EML6: variants seen among roughly 807,000 people sequenced by gnomAD.
The protein encoded by EML6 is echinoderm microtubule-associated protein-like 6.
Under a neutral mutation model 240.1 loss-of-function variants are expected in EML6, and 154 were observed. The observed-to-expected ratio is 0.64, with a 90% confidence interval of 0.56 to 0.73. EML6 has a LOEUF of 0.73. Ranked by LOEUF, EML6 falls within the 30% of genes least tolerant of loss-of-function variation. EML6 has a pLI of 0.00. For missense variants in EML6, 2,964 were observed against 2,474.6 expected (o/e 1.20, Z -4.20); for synonymous variants, 1,148 against 899.0 (o/e 1.28, Z -4.95).
chr2:54,799,584 T>C (rs1205519635), intron 2 of EML6, among the ~76,000 whole-genome samples: 3 of 152,026 alleles, frequency 2.0e-5, no homozygotes, highest in African/African-American at 2.4e-5. Context: ...ACCTCGTGAT[T>C]CACCCGCCTT....
Position 54,855,023 on chromosome 2 carries a change from C to T in EML6, c.1657+1168C>T, listed in dbSNP as rs1558617073. On this transcript the variant is annotated intron_variant, in intron 11 of 41. Transcript: ENST00000356458. ...AACATAACTCGATGATAATTGATATCCTATACATCCCAAGTCTTTTAAGGT... is the reference window on the plus strand; with the variant it reads ...AACATAACTCGATGATAATTGATATTCTATACATCCCAAGTCTTTTAAGGT... Among the ~76,000 whole-genome samples the T allele has an allele frequency of 3.9e-5, 6 of 152,200 alleles. No homozygotes were observed. The South Asian group carries it at 1.2e-3, about 32-fold the overall frequency.
At chr2:54,959,478 T>G (rs972974333) in intron 34 of EML6, among the ~76,000 whole-genome samples, 1 of 152,166 alleles carries the variant, frequency 6.6e-6, no homozygotes, top group Non-Finnish European at 1.5e-5. Context: ...TTTAAAAACC[T>G]GAGAGAGGCA....
At chr2:54,825,444 G>A (rs1172088291) in intron 5 of EML6, among the ~76,000 whole-genome samples, 2 of 152,016 alleles carry the variant, frequency 1.3e-5, no homozygotes, top group Admixed American at 6.6e-5. Context: ...AATTATTTTT[G>A]TAGAGATGGG....
intron 16 of EML6, among the ~76,000 whole-genome samples, chr2:54,872,191 T>G (rs1374077581): frequency 6.6e-6 from 1 of 152,186 alleles, no homozygotes; most frequent in African/African-American, 2.4e-5. Context: ...GAAAGTTAAG[T>G]TCCTTTAGAG....
intron 2 of EML6, among the ~76,000 whole-genome samples, chr2:54,740,645 T>C (rs930269318): frequency 6.6e-5 from 10 of 152,216 alleles, no homozygotes; most frequent in Non-Finnish European, 1.5e-5. Context: ...TAGTGAGTTT[T>C]ATGCTGCAGT....
In EML6 at chr2:54,725,385, A is replaced by G. The variant is rs1682866557; in HGVS notation, c.197+127A>G. 1.5e-6 allele frequency: 1 copy of G among 657,692 alleles called. No individual in the cohort carries two copies. Among genetic ancestry groups the G allele is most frequent in the Non-Finnish European group, 2.3e-6 (1 of 425,648 alleles). 40.7% of individuals were successfully genotyped at this position (657,692 alleles called of 1,614,324 possible). ...AGGATTCTCTCTGGAGCCGCATGGA[A>G]TTACTGAAGGGCTGCTGATTCTAGG... On this transcript the variant is annotated intron_variant, in intron 2 of 41. Transcript: ENST00000356458. This position sits in a 1 kb window ranked among gnomAD's most constrained non-coding sequence, Gnocchi z 4.3.
At chr2:54,921,901 C>G (rs1026525077) in intron 26 of EML6, among the ~76,000 whole-genome samples, 4 of 152,088 alleles carry the variant, frequency 2.6e-5, no homozygotes, top group African/African-American at 9.7e-5. Flanking sequence ...TGGACTTTAT[C>G]TCACACCATT....
At chr2:54,838,995 C>A (rs1319747632) in intron 7 of EML6, among the ~76,000 whole-genome samples, 1 of 152,224 alleles carries the variant, frequency 6.6e-6, no homozygotes, top group Non-Finnish European at 1.5e-5. Flanking sequence ...GCTTATATTT[C>A]TCTGACTCCC....
intron 4 of EML6, among the ~76,000 whole-genome samples, chr2:54,819,434 C>G (rs1212214743): frequency 1.3e-5 from 2 of 152,212 alleles, no homozygotes; most frequent in African/African-American, 2.4e-5. Flanking sequence ...CTTCTTGTCT[C>G]TGGATTGGAA....
intron 26 of EML6, among the ~76,000 whole-genome samples, chr2:54,926,780 C>G (rs765469585): frequency 3.9e-5 from 6 of 152,294 alleles, no homozygotes; most frequent in African/African-American, 9.6e-5. Context: ...TTTTTCCTCT[C>G]TCTTTCTTCC....
chr2:54,871,886 C>T (rs1006464767), intron 16 of EML6, among the ~76,000 whole-genome samples: 11 of 152,252 alleles, frequency 7.2e-5, no homozygotes, highest in African/African-American at 2.7e-4. Context: ...CCAGAGCTCA[C>T]ACTGTGTTCT....
chr2:54,820,358 A>G (rs1668275095), intron 4 of EML6, 36 bp from the exon 5 acceptor site: 3 of 1,453,194 alleles, frequency 2.1e-6, no homozygotes, highest in Non-Finnish European at 2.8e-6. Context: ...AAATATACCA[A>G]ATGATCAACA....
Position 54,869,214 on chromosome 2 carries a change from C to G in EML6, c.2085C>G (p.Phe695Leu). Reference sequence around the variant, plus strand: ...GCTACGACTGTAGAAACAATCTGTTCTACACACAAGCTGGAGAAGTAGTCT... The same window carrying G: ...GCTACGACTGTAGAAACAATCTGTTGTACACACAAGCTGGAGAAGTAGTCT... ...YRGYDCRNNL[F>L]YTQAGEVVYH... The change falls in exon 15 of 42, where the codon TTC becomes TTG. Residue 695 changes from phenylalanine (F) to leucine (L), a missense_variant. Physicochemically the swap from Phe to Leu is conservative, Grantham distance 22. Coordinates refer to ENST00000356458, the MANE Select transcript of EML6 (RefSeq NM_001039753.4). The G allele has an allele frequency of 5.8e-6, 9 of 1,551,726 alleles. No homozygotes were observed. The highest frequency in any genetic ancestry group is 1.7e-4 in the Middle Eastern group (1 of 5,906).
chr2:54,931,718 A>G (rs1171969956), intron 28 of EML6, among the ~76,000 whole-genome samples: 1 of 152,138 alleles, frequency 6.6e-6, no homozygotes, highest in Non-Finnish European at 1.5e-5. Context: ...CTAATGGGAG[A>G]CGAGTACTTG....
intron 2 of EML6, among the ~76,000 whole-genome samples, chr2:54,811,060 C>G (rs1572935961): frequency 6.6e-6 from 1 of 152,136 alleles, no homozygotes. Context: ...ATTTCCCCCT[C>G]TGTTCTCACC....
At chr2:54,930,776 C>T (rs1415677810) in intron 28 of EML6, among the ~76,000 whole-genome samples, 2 of 151,988 alleles carry the variant, frequency 1.3e-5, no homozygotes, top group East Asian at 1.9e-4. Context: ...CACAGCATGC[C>T]GGGAGCAGAG....
At chr2:54,740,767 A>G (rs1476036317) in intron 2 of EML6, among the ~76,000 whole-genome samples, 1 of 151,950 alleles carries the variant, frequency 6.6e-6, no homozygotes, top group Non-Finnish European at 1.5e-5. Context: ...TTCTTGGTAA[A>G]AAGACTTGCA....
intron 16 of EML6, among the ~76,000 whole-genome samples, chr2:54,877,997 G>A (rs1025628857): frequency 2.6e-5 from 4 of 152,240 alleles, no homozygotes; most frequent in South Asian, 2.1e-4. Flanking sequence ...ATTGAGATGG[G>A]GTTGCCAGAT....
At chr2:54,866,036 C>G (rs1030607517) in intron 13 of EML6, among the ~76,000 whole-genome samples, 1 of 152,128 alleles carries the variant, frequency 6.6e-6, no homozygotes, top group African/African-American at 2.4e-5. Flanking sequence ...GTAGACAAAA[C>G]AGTAGTGAGA....
Sources: gnomAD v4.1 joint callset for allele counts (sites outside exome capture counted in the v4.1 genomes callset) on GRCh38, gnomAD v4.1.1 for gene constraint, Gnocchi (gnomAD v3.1) non-coding constraint, MANE v1.5 for transcripts, NCBI Gene and HGNC (gene_info 2026-07-23, HGNC 2026-07-21) for gene names.